The following DSE variants were observed in gnomAD, a reference collection of about 807,000 sequenced individuals.
DSE encodes the protein dermatan-sulfate epimerase.
A neutral mutation model predicts 84.4 loss-of-function variants in DSE; 36 were observed. The observed-to-expected ratio is 0.43, with a 90% CI of 0.33 to 0.56. The LOEUF (loss-of-function observed/expected upper bound fraction) is 0.56. DSE is among the 20% of genes least tolerant of loss of function. DSE has a pLI of 0.06. For synonymous variants in DSE, 410 were observed against 430.1 expected (o/e 0.95, Z 0.58); for missense variants, 862 against 1,169.6 (o/e 0.74, Z 3.84).
At chr6:116,304,102 G>A (rs1037329338) in intron 2 of DSE, among the ~76,000 whole-genome samples, 13 of 146,380 alleles carry the variant, frequency 8.9e-5, no homozygotes, top group East Asian at 4.0e-4. Flanking sequence ...CAGCCTGGGC[G>A]ACAGAGCAAG....
At chr6:116,357,998 G>C (rs1778672134) in intron 2 of DSE, among the ~76,000 whole-genome samples, 1 of 152,192 alleles carries the variant, frequency 6.6e-6, no homozygotes, top group South Asian at 2.1e-4. Flanking sequence ...AGGCAAATAA[G>C]AGTATGTGAA....
chr6:116,404,888 T>C (rs1781818749), intron 2 of DSE, among the ~76,000 whole-genome samples: 1 of 152,128 alleles, frequency 6.6e-6, no homozygotes. Context: ...GGAAAGAAAT[T>C]ACTTCACTCT....
At chr6:116,363,597 A>G (rs1779019876) in intron 2 of DSE, among the ~76,000 whole-genome samples, 1 of 152,240 alleles carries the variant, frequency 6.6e-6, no homozygotes, top group Non-Finnish European at 1.5e-5. Context: ...AAATAACTCA[A>G]GATGGGTGAA....
intron 2 of DSE, among the ~76,000 whole-genome samples, chr6:116,305,290 C>G (rs746195902): frequency 2.0e-5 from 3 of 152,160 alleles, no homozygotes; most frequent in African/African-American, 4.8e-5. Flanking sequence ...TTAATACTCT[C>G]TGTCATCTAT....
At chr6:116,404,211 C>T (rs1008466984) in intron 2 of DSE, among the ~76,000 whole-genome samples, 1 of 152,140 alleles carries the variant, frequency 6.6e-6, no homozygotes, top group Non-Finnish European at 1.5e-5. Context: ...TAAAAACAAA[C>T]AAACAAAATG....
chr6:116,293,326 C>T (rs1774420265), intron 2 of DSE, among the ~76,000 whole-genome samples: 1 of 149,218 alleles, frequency 6.7e-6, no homozygotes, highest in Non-Finnish European at 1.5e-5. Flanking sequence ...GACTCGAGTG[C>T]AGTGGCGTGA....
At chr6:116,334,719 A>G (rs910829273) in intron 2 of DSE, among the ~76,000 whole-genome samples, 1 of 152,150 alleles carries the variant, frequency 6.6e-6, no homozygotes, top group African/African-American at 2.4e-5. Flanking sequence ...GAAAAAAGAA[A>G]CCATTAAAAA....
chr6:116,433,992 A>T (rs1280765202), intron 5 of DSE, among the ~76,000 whole-genome samples: 1 of 152,182 alleles, frequency 6.6e-6, no homozygotes, highest in Non-Finnish European at 1.5e-5. Context: ...GGTTATTCTG[A>T]TAATCACACC....
Position 116,346,576 on chromosome 6 carries a change from A to G in DSE, c.-53-52622A>G, listed in dbSNP as rs554518831. 2.6e-5 allele frequency among the ~76,000 whole-genome samples: 4 copies of G among 152,370 alleles called. No homozygotes were observed. The South Asian group carries it at 8.3e-4, about 32-fold the overall frequency. ...CTTTGACAAAATTCAACAGCGCCTC[A>G]TGCTAAAAACTTTCAATAAACTAGG... On this transcript the variant is annotated intron_variant, in intron 2 of 3. Coordinates refer to the DSE transcript ENST00000430252.
upstream of DSE, chr6:116,370,074 G>C: frequency 1.4e-6 from 1 of 734,918 alleles, no homozygotes; most frequent in South Asian, 1.6e-5. Flanking sequence ...GGTTGGACCT[G>C]GCTGAGCGTG....
chr6:116,415,193 A>G (rs1782620568), intron 2 of DSE, among the ~76,000 whole-genome samples: 1 of 152,212 alleles, frequency 6.6e-6, no homozygotes, highest in Non-Finnish European at 1.5e-5. Context: ...TTCTTCCCTC[A>G]AGTTTAAAGG....
At chr6:116,409,261 T>G (rs188365993) in intron 2 of DSE, among the ~76,000 whole-genome samples, 45 of 152,296 alleles carry the variant, frequency 3.0e-4, no homozygotes, top group African/African-American at 9.9e-4. Context: ...TATATAAGTT[T>G]ACTGTATTTG....
intron 2 of DSE, among the ~76,000 whole-genome samples, chr6:116,363,188 CTTTT>C (rs939282646): frequency 6.6e-6 from 1 of 151,412 alleles, no homozygotes; most frequent in East Asian, 1.9e-4. Flanking sequence ...GTAACAGTTG[CTTTT>C]TTTTGCCACG....
At chr6:116,342,226 G>A (rs1777639471) in intron 2 of DSE, among the ~76,000 whole-genome samples, 1 of 149,442 alleles carries the variant, frequency 6.7e-6, no homozygotes, top group Non-Finnish European at 1.5e-5. Flanking sequence ...ATAATATATT[G>A]TAGTAAGTTT....
At chr6:116,302,029 C>A (rs945819891) in intron 2 of DSE, among the ~76,000 whole-genome samples, 1 of 152,176 alleles carries the variant, frequency 6.6e-6, no homozygotes, top group Non-Finnish European at 1.5e-5. Flanking sequence ...TTAATCCAGT[C>A]TATCATTGAT....
chr6:116,375,691 A>G (rs1238553808), intron 1 of DSE, among the ~76,000 whole-genome samples: 3 of 152,260 alleles, frequency 2.0e-5, no homozygotes, highest in African/African-American at 4.8e-5. Flanking sequence ...GACCATTACT[A>G]TTAGTAAACT....
In DSE at chr6:116,436,232, T is replaced by C. The variant is rs1357580281; in HGVS notation, c.1764T>C (p.His588=). 1.2e-6 allele frequency: 2 copies of C among 1,614,046 alleles called. No homozygotes were observed. Among genetic ancestry groups the C allele is most frequent in the East Asian group, 2.2e-5 (1 of 44,886 alleles). The change falls in exon 6 of 6, where the codon CAT becomes CAC. Residue 588 remains histidine (H), a synonymous_variant. Transcript: ENST00000644252. ...TGGAGACAGCAGCGAGCTTCTTCCATAATGTGGATGTTCCTTTTGAGGAGA... is the reference window on the plus strand; with the variant it reads ...TGGAGACAGCAGCGAGCTTCTTCCACAATGTGGATGTTCCTTTTGAGGAGA... ...SPLETAASFF[H]NVDVPFEETV... is the part of the protein sequence containing the mutation.
chr6:116,416,356 TG>T (rs1264186701), intron 2 of DSE, among the ~76,000 whole-genome samples: 17 of 129,500 alleles, frequency 1.3e-4, no homozygotes, highest in Non-Finnish European at 2.5e-4. Flanking sequence ...CCACTGTGTG[TG>T]TGTGTGTGTG....
rs183031270 is a variant in DSE, at chr6:116,304,161, G to A, written c.-54+45194G>A. ...AAGAAAGAAAAAAACAGAAACAGTG[G>A]GTCAGAGGAGGGGAAACGAAGGTCT... On this transcript the variant is annotated intron_variant, in intron 2 of 3. Coordinates refer to the DSE transcript ENST00000430252. 1.3e-3 allele frequency among the ~76,000 whole-genome samples: 195 copies of A among 151,970 alleles called. 1 individual carries two copies. Among genetic ancestry groups the A allele is most frequent in the Admixed American group, 2.4e-3 (36 of 15,218 alleles).
Sources: gnomAD v4.1 joint callset for allele counts (sites outside exome capture counted in the v4.1 genomes callset) on GRCh38, gnomAD v4.1.1 for gene constraint, MANE v1.5 for transcripts, NCBI Gene and HGNC (gene_info 2026-07-23, HGNC 2026-07-21) for gene names.